The following BPTF variants were observed in gnomAD, a reference collection of about 807,000 sequenced individuals.
BPTF encodes bromodomain PHD finger transcription factor, also known as nucleosome-remodeling factor subunit BPTF.
Under a neutral mutation model 292.5 loss-of-function variants are expected in BPTF, and 18 were observed. That is an observed-to-expected ratio of 0.06 (90% CI 0.04 to 0.09). The LOEUF is 0.09. Among genes scored for constraint, BPTF ranks in the 10% least tolerant of loss-of-function variants. The pLI, the probability that BPTF is intolerant of heterozygous loss-of-function variation, is 1.00. For missense variants in BPTF, 2,726 were observed against 3,498.7 expected, an observed-to-expected ratio of 0.78 and a Z score of 5.57; for synonymous variants, 1,225 against 1,251.9, an observed-to-expected ratio of 0.98 and a Z score of 0.45.
chr17:67,973,353 G>T (rs561747749), intron 26 of BPTF, among the ~76,000 whole-genome samples: 1 of 150,478 alleles, frequency 6.6e-6, no homozygotes, highest in African/African-American at 2.4e-5. Flanking sequence ...CAGCCTGGGC[G>T]ACAGAGCGAG....
At chr17:67,898,026 A>T (rs778943775) in intron 7 of BPTF, among the ~76,000 whole-genome samples, 3 of 152,228 alleles carry the variant, frequency 2.0e-5, no homozygotes, top group Non-Finnish European at 4.4e-5. Context: ...GCTTCACCTT[A>T]GACACCAATC....
intron 1 of BPTF, among the ~76,000 whole-genome samples, chr17:67,844,149 A>C (rs1293147311): frequency 8.2e-6 from 1 of 121,428 alleles, no homozygotes; most frequent in African/African-American, 3.2e-5. Context: ...GCATGATCTC[A>C]GCTCACTGCA....
chr17:67,828,722 T>A (rs1277849418), intron 1 of BPTF, among the ~76,000 whole-genome samples: 3 of 152,242 alleles, frequency 2.0e-5, no homozygotes, highest in Non-Finnish European at 4.4e-5. Context: ...ATGACGGGGT[T>A]TCTCCGTGTT....
At chr17:67,877,276 CTTCT>C (rs2060107926) in intron 4 of BPTF, among the ~76,000 whole-genome samples, 1 of 152,186 alleles carries the variant, frequency 6.6e-6, no homozygotes, top group Non-Finnish European at 1.5e-5. Flanking sequence ...CACCTGCTTC[CTTCT>C]GTTTCTGTGG....
chr17:67,948,942 C>T (rs2066019538), intron 23 of BPTF, among the ~76,000 whole-genome samples: 1 of 152,232 alleles, frequency 6.6e-6, no homozygotes, highest in Admixed American at 6.5e-5. Flanking sequence ...GATGGCACCA[C>T]TGCACTGCAG....
At chr17:67,888,494 G>A (rs1020250325) in intron 4 of BPTF, among the ~76,000 whole-genome samples, 13 of 149,998 alleles carry the variant, frequency 8.7e-5, no homozygotes, top group Non-Finnish European at 1.8e-4. Context: ...GGAGGCTGAG[G>A]CAGGAGAATT....
In BPTF at chr17:67,826,580, TCC is replaced by T. The variant is rs11414914; in HGVS notation, c.613+251_613+252del. Among the ~76,000 whole-genome samples the T allele has an allele frequency of 2.7e-3, 376 of 137,508 alleles. 3 individuals carry two copies. Among genetic ancestry groups the T allele is most frequent in the Non-Finnish European group, 4.0e-3 (259 of 64,434 alleles). The allele number at this position is 137,508 out of a possible 152,430, so 90.2% of individuals were successfully genotyped here. ...GCAGGCCACACTCGCTCGCTCTCTC[TCC>T]CCCCCCCAACCCCCTTTTTTTCCTC... is the stretch of plus-strand genomic sequence containing the variant. On this transcript the variant is annotated intron_variant, in intron 1 of 27. Coordinates refer to ENST00000306378, the MANE Select transcript of BPTF (RefSeq NM_182641.4).
chr17:67,871,157 G>A (rs897574320), intron 3 of BPTF, among the ~76,000 whole-genome samples: 8 of 151,834 alleles, frequency 5.3e-5, no homozygotes, highest in Admixed American at 3.9e-4. Flanking sequence ...TTCTATTTTT[G>A]ATAGTTAAAT....
Position 67,826,269 on chromosome 17 carries a change from A to G in BPTF, c.545A>G (p.Asp182Gly), listed in dbSNP as rs746951735. ...DSDYPEEMED[D>G]DDDASYCTES... ...GATTATCCGGAGGAGATGGAAGACG[A>G]CGACGACGACGCCAGTTACTGCACG... Residue 182 changes from aspartate (D) to glycine (G), a missense_variant, in exon 1 of 28, where the codon GAC (aspartate) becomes GGC (glycine). By Grantham distance (94) the Asp-to-Gly change is moderately conservative (BLOSUM62 -1). Transcript: ENST00000306378. 3 of 1,613,286 alleles carry G rather than the reference A, an allele frequency of 1.9e-6. No homozygotes were observed. The highest frequency in any genetic ancestry group is 1.7e-5 in the Admixed American group (1 of 60,018).
intron 4 of BPTF, among the ~76,000 whole-genome samples, chr17:67,889,565 T>G (rs890566339): frequency 3.3e-5 from 5 of 152,098 alleles, no homozygotes; most frequent in Non-Finnish European, 7.4e-5. Context: ...CCCAGCACTT[T>G]GGGAGGCTGA....
intron 27 of BPTF, among the ~76,000 whole-genome samples, chr17:67,978,247 C>T (rs1406718029): frequency 6.6e-6 from 1 of 151,786 alleles, no homozygotes; most frequent in Non-Finnish European, 1.5e-5. Flanking sequence ...CAGCCTTGGC[C>T]TCCCAAAGTG....
In BPTF at chr17:67,928,026, G is replaced by A. The variant is rs140702557; in HGVS notation, c.5752-329G>A. Among the ~76,000 whole-genome samples, 312 of 152,194 alleles carry A rather than the reference G, an allele frequency of 2.1e-3. 1 individual carries two copies. Among genetic ancestry groups the A allele is most frequent in the African/African-American group, 7.1e-3 (296 of 41,510 alleles). On this transcript the variant is annotated intron_variant, in intron 15 of 27. Transcript: ENST00000306378. ...AGCCTCCCGAGTAGTTAGAATTACAGGCATGAGCCAGAATGCTCAGCTCAT... is the reference window on the plus strand; with the variant it reads ...AGCCTCCCGAGTAGTTAGAATTACAAGCATGAGCCAGAATGCTCAGCTCAT...
intron 2 of BPTF, among the ~76,000 whole-genome samples, chr17:67,856,038 C>T (rs969883421): frequency 6.6e-5 from 10 of 152,196 alleles, no homozygotes; most frequent in African/African-American, 2.4e-4. Flanking sequence ...TTCTTTGATT[C>T]TGAGAACTTC....
chr17:67,849,662 G>A (rs2058261746), intron 1 of BPTF, among the ~76,000 whole-genome samples: 1 of 152,110 alleles, frequency 6.6e-6, no homozygotes, highest in Non-Finnish European at 1.5e-5. Context: ...TCTCGGCTGG[G>A]CGTGGTGGCT....
At chr17:67,864,805 A>T (rs1233231085) in intron 2 of BPTF, among the ~76,000 whole-genome samples, 7 of 151,730 alleles carry the variant, frequency 4.6e-5, no homozygotes, top group Non-Finnish European at 8.8e-5. Flanking sequence ...TTATTTATTT[A>T]TTTTTTTGTT....
intron 2 of BPTF, among the ~76,000 whole-genome samples, chr17:67,860,855 G>A (rs542426310): frequency 5.9e-5 from 9 of 152,292 alleles, no homozygotes; most frequent in Middle Eastern, 3.4e-3. Context: ...ACCACCACAC[G>A]CCTTTAAACA....
intron 27 of BPTF, among the ~76,000 whole-genome samples, chr17:67,980,987 A>G (rs1313932043): frequency 1.3e-5 from 2 of 152,234 alleles, no homozygotes; most frequent in Non-Finnish European, 2.9e-5. Flanking sequence ...GGGAAACCCC[A>G]TCCCTACAGA....
intron 3 of BPTF, 61 bp downstream of exon 3, chr17:67,866,748 A>G (rs1196589247): frequency 4.4e-6 from 6 of 1,351,838 alleles, no homozygotes; most frequent in South Asian, 3.7e-5. Context: ...TTGGTATGAA[A>G]TCACTGCAAA....
At chr17:67,860,060 A>G (rs2058982005) in intron 2 of BPTF, among the ~76,000 whole-genome samples, 1 of 152,224 alleles carries the variant, frequency 6.6e-6, no homozygotes, top group Non-Finnish European at 1.5e-5. Context: ...TTTAAAAGCT[A>G]TGGTCGTCAT....
Sources: gnomAD v4.1 joint callset for allele counts (sites outside exome capture counted in the v4.1 genomes callset) on GRCh38, gnomAD v4.1.1 for gene constraint, MANE v1.5 for transcripts, NCBI Gene and HGNC (gene_info 2026-07-23, HGNC 2026-07-21) for gene names.